The following SOX10 variants were observed in gnomAD, a reference collection of about 807,000 sequenced individuals.
SOX10 encodes SRY-box transcription factor 10.
A neutral mutation model predicts 35.0 loss-of-function variants in SOX10; 3 were observed. That is an observed-to-expected ratio of 0.09 (90% CI 0.04 to 0.22). The LOEUF is 0.22. Among genes scored for constraint, SOX10 ranks in the 10% least tolerant of loss-of-function variants. The pLI, the probability that SOX10 is intolerant of heterozygous loss-of-function variation, is 1.00. For synonymous variants in SOX10, 285 were observed against 291.0 expected (o/e 0.98, Z 0.21); for missense variants, 436 against 655.1 (o/e 0.67, Z 3.65).
Position 37,983,797 on chromosome 22 carries a change from C to T in SOX10, c.-13G>A. The T allele has an allele frequency of 7.3e-7, 1 of 1,378,980 alleles. No homozygotes were observed. Among genetic ancestry groups the T allele is most frequent in the Non-Finnish European group, 9.4e-7 (1 of 1,059,050 alleles). The allele number at this position is 1,378,980 out of a possible 1,614,324, so 85.4% of individuals were successfully genotyped here. A position where few individuals can be genotyped will look rare whatever the true frequency, so the allele number is the denominator to read the frequency against. ...GCTCCTCCGCCATGTCGCCCCCGGCCGCCGCCGCCGCCGCCTCGGCCGCCT... is the reference window on the plus strand; with the variant it reads ...GCTCCTCCGCCATGTCGCCCCCGGCTGCCGCCGCCGCCGCCTCGGCCGCCT... On this transcript the variant is annotated 5_prime_UTR_variant, in exon 2 of 4. Transcript: ENST00000396884. The surrounding 1 kb of genome is among the most constrained non-coding windows in gnomAD (Gnocchi z 9.5).
chr22:37,975,383 C>CT (rs1351182841), intron 3 of SOX10, among the ~76,000 whole-genome samples: 1 of 152,134 alleles, frequency 6.6e-6, no homozygotes, highest in East Asian at 1.9e-4. Flanking sequence ...GGAAGGATGT[C>CT]TGAGTGGGGT....
intron 3 of SOX10, among the ~76,000 whole-genome samples, chr22:37,975,778 C>A (rs1048207461): frequency 4.6e-5 from 7 of 152,122 alleles, no homozygotes; most frequent in African/African-American, 1.7e-4. Context: ...TTGTACCAAG[C>A]AGCCCAGGCA....
chr22:37,983,581 G>A lies in SOX10; in HGVS notation c.204C>T (p.Phe68=), dbSNP rs751332955. The A allele has an allele frequency of 2.5e-6, 4 of 1,610,158 alleles. No homozygotes were observed. Among genetic ancestry groups the A allele is most frequent in the South Asian group, 2.2e-5 (2 of 90,734 alleles). ...TGACGGCCTCGCGGATGCACACGGG[G>A]AACTTGTCATCGTCCGCCTCGCCGT... The part of the protein sequence containing the change: ...QQDGEADDDK[F]PVCIREAVSQ... Residue 68 remains phenylalanine (F), a synonymous_variant, in exon 2 of 4, where the codon TTC becomes TTT. Coordinates refer to ENST00000396884, the MANE Select transcript of SOX10 (RefSeq NM_006941.4). The surrounding 1 kb of genome is among the most constrained non-coding windows in gnomAD (Gnocchi z 9.5).
At chr22:37,982,087 A>G (rs1932417354) in intron 2 of SOX10, among the ~76,000 whole-genome samples, 1 of 152,300 alleles carries the variant, frequency 6.6e-6, no homozygotes, top group East Asian at 1.9e-4. Context: ...ACAAAGCCCT[A>G]ATTTTCTGGA....
chr22:37,978,148 G>A lies in SOX10; in HGVS notation c.429-13C>T. On this transcript the variant is annotated splice_polypyrimidine_tract_variant and intron_variant, in intron 2 of 3. Transcript: ENST00000396884. This position sits in a 1 kb window ranked among gnomAD's most constrained non-coding sequence, Gnocchi z 5.0. ...TTCGTTCAGCAGCCTGGGGTGTGGTGGGAGGCGGAGAGGACAGCAGAGGGG... is the reference window on the plus strand; with the variant it reads ...TTCGTTCAGCAGCCTGGGGTGTGGTAGGAGGCGGAGAGGACAGCAGAGGGG... 3 of 1,542,232 alleles carry A rather than the reference G, an allele frequency of 1.9e-6. No individual in the cohort carries two copies. The highest frequency in any genetic ancestry group is 1.7e-4 in the Middle Eastern group (1 of 5,810).
In SOX10 at chr22:37,978,024, G is replaced by A. The variant is rs746476689; in HGVS notation, c.540C>T (p.Asn180=). 39 of 1,611,318 alleles carry A rather than the reference G, an allele frequency of 2.4e-5. No individual in the cohort carries two copies. The highest frequency in any genetic ancestry group is 2.9e-5 in the Non-Finnish European group (34 of 1,179,532). ...CCGCCTCGCCCTGGGCGGCCTTCCCGTTCTTCCGCCGCCTGGGCTGGTACT... is the reference window on the plus strand; with the variant it reads ...CCGCCTCGCCCTGGGCGGCCTTCCCATTCTTCCGCCGCCTGGGCTGGTACT... The part of the protein sequence containing the change: ...DYKYQPRRRK[N]GKAAQGEAEC... The change falls in exon 3 of 4, where the codon AAC becomes AAT. Residue 180 remains asparagine, a synonymous_variant. Coordinates refer to ENST00000396884, the MANE Select transcript of SOX10 (RefSeq NM_006941.4). This position sits in a 1 kb window ranked among gnomAD's most constrained non-coding sequence, Gnocchi z 5.0.
Position 37,977,943 on chromosome 22 carries a change from G to A in SOX10, c.621C>T (p.Tyr207=). 3 of 1,612,838 alleles carry A rather than the reference G, an allele frequency of 1.9e-6. No individual in the cohort carries two copies. Among genetic ancestry groups the A allele is most frequent in the Non-Finnish European group, 2.5e-6 (3 of 1,179,940 alleles). ...QGGTAAIQAH[Y]KSAHLDHRHP... is the part of the protein sequence containing the mutation. ...GCCGGTGGTCCAAGTGGGCGCTCTT[G>A]TAGTGGGCCTGGATGGCGGCGGTCC... is the stretch of plus-strand genomic sequence containing the variant. Residue 207 remains tyrosine, a synonymous_variant, in exon 3 of 4, where the codon TAC becomes TAT. Coordinates refer to ENST00000396884, the MANE Select transcript of SOX10 (RefSeq NM_006941.4).
In SOX10 at chr22:37,973,393, C is replaced by T. The variant is rs2145760109; in HGVS notation, c.*102G>A. On this transcript the variant is annotated 3_prime_UTR_variant, in exon 4 of 4. Transcript: ENST00000396884. ...GACCTGTCAGCCTCTTCAGCCTCCT[C>T]AGCCTCCTCCACTGCCACCACCAGG... 2.5e-6 allele frequency: 2 copies of T among 796,904 alleles called. No individual in the cohort carries two copies. The highest frequency in any genetic ancestry group is 5.4e-5 in the East Asian group (2 of 37,134). 49.4% of individuals were successfully genotyped at this position (796,904 alleles called of 1,614,324 possible).
Position 37,983,594 on chromosome 22 carries a change from T to A in SOX10, c.191A>T (p.Asp64Val), listed in dbSNP as rs372400283. 6.2e-5 allele frequency: 99 copies of A among 1,608,940 alleles called. No individual in the cohort carries two copies. The highest frequency in any genetic ancestry group is 1.7e-4 in the Middle Eastern group (1 of 6,058). Residue 64 changes from aspartate (D) to valine (V), a missense_variant, in exon 2 of 4, where the codon GAC becomes GTC. Transcript: ENST00000396884. This position sits in a 1 kb window ranked among gnomAD's most constrained non-coding sequence, Gnocchi z 9.5. ...VKKEQQDGEA[D>V]DDKFPVCIRE... ...GATGCACACGGGGAACTTGTCATCG[T>A]CCGCCTCGCCGTCCTGCTGCTCCTT...
rs946978809 is a variant in SOX10, at chr22:37,983,261, G to A, written c.428+96C>T. ...CCTATCCAAGGAGGACTGCCAGACA[G>A]TCCCGCTCTGAGGTGCAGGAGGCCG... On this transcript the variant is annotated intron_variant, in intron 2 of 3. Transcript: ENST00000396884. This position sits in a 1 kb window ranked among gnomAD's most constrained non-coding sequence, Gnocchi z 9.5. 486 of 1,381,112 alleles carry A rather than the reference G, an allele frequency of 3.5e-4. 4 individuals carry two copies. Among genetic ancestry groups the A allele is most frequent in the Admixed American group, 5.9e-5 (3 of 50,794 alleles). 85.6% of individuals were successfully genotyped at this position (1,381,112 alleles called of 1,614,324 possible).
intron 3 of SOX10, among the ~76,000 whole-genome samples, chr22:37,975,952 G>T (rs745513181): frequency 5.9e-5 from 9 of 152,028 alleles, no homozygotes; most frequent in African/African-American, 2.2e-4. Context: ...TATAGTAAGA[G>T]ATAGGAGGCT....
chr22:37,983,827 C>CCG lies in SOX10; in HGVS notation c.-44_-43insCG. 4 of 1,363,142 alleles carry CCG rather than the reference C, an allele frequency of 2.9e-6. No homozygotes were observed. Among genetic ancestry groups the CCG allele is most frequent in the Non-Finnish European group, 3.8e-6 (4 of 1,058,122 alleles). 84.4% of individuals were successfully genotyped at this position (1,363,142 alleles called of 1,614,324 possible). A position where few individuals can be genotyped will look rare whatever the true frequency, so the allele number is the denominator to read the frequency against. Reference sequence around the variant, plus strand: ...CCGCCGCCGCCTCGGCCGCCTCCCCCGGGCCAGCCGCCGGGGTCCTCGCAA... The same window carrying CCG: ...CCGCCGCCGCCTCGGCCGCCTCCCCCCGGGGCCAGCCGCCGGGGTCCTCGCAA... On this transcript the variant is annotated 5_prime_UTR_variant, in exon 2 of 4. Transcript: ENST00000396884. This position sits in a 1 kb window ranked among gnomAD's most constrained non-coding sequence, Gnocchi z 9.5.
rs772518921 is a variant in SOX10 at position 37,973,660 on chromosome 22, A to G, written c.1236T>C (p.Tyr412=). 4.3e-6 allele frequency: 7 copies of G among 1,613,760 alleles called. No homozygotes were observed. The highest frequency in any genetic ancestry group is 1.7e-4 in the Middle Eastern group (1 of 6,056). Residue 412 remains tyrosine (Y), a synonymous_variant, in exon 4 of 4, where the codon TAT becomes TAC. Coordinates refer to ENST00000396884, the MANE Select transcript of SOX10 (RefSeq NM_006941.4). ...GGCCAGAGGCCTGGCCCGAGTGGCCATAATAGGGTCCTGAGGGCTGATGGT... is the reference window on the plus strand; with the variant it reads ...GGCCAGAGGCCTGGCCCGAGTGGCCGTAATAGGGTCCTGAGGGCTGATGGT... The part of the protein sequence containing the change: ...YSDHQPSGPY[Y]GHSGQASGLY...
chr22:37,980,878 A>AG lies in SOX10; in HGVS notation c.428+2478dup, dbSNP rs1265893100. On this transcript the variant is annotated intron_variant, in intron 2 of 3. Transcript: ENST00000396884. The surrounding 1 kb of genome is among the most constrained non-coding windows in gnomAD (Gnocchi z 4.1). ...GGGGCATAAGAAGACTACTTGGGGA[A>AG]GGGGCCTGTGGCACTGGGAACAGAG... is the stretch of plus-strand genomic sequence containing the variant. Among the ~76,000 whole-genome samples, 5 of 152,210 alleles carry AG rather than the reference A, an allele frequency of 3.3e-5. No homozygotes were observed. Among genetic ancestry groups the AG allele is most frequent in the African/African-American group, 1.2e-4 (5 of 41,456 alleles).
rs992292424 is a variant in SOX10 at position 37,978,368 on chromosome 22, G to C, written c.429-233C>G. 6.6e-6 allele frequency among the ~76,000 whole-genome samples: 1 copy of C among 152,264 alleles called. No individual in the cohort carries two copies. The highest frequency in any genetic ancestry group is 2.4e-5 in the African/African-American group (1 of 41,470). ...CTGCCCCCAAATCTTTCATGGGCTG[G>C]AGGGTGAGAGAGGGGTCAGCCCGCT... On this transcript the variant is annotated intron_variant, in intron 2 of 3. Coordinates refer to ENST00000396884, the MANE Select transcript of SOX10 (RefSeq NM_006941.4). This position sits in a 1 kb window ranked among gnomAD's most constrained non-coding sequence, Gnocchi z 5.0.
chr22:37,980,055 C>T lies in SOX10; in HGVS notation c.429-1920G>A, dbSNP rs531675403. On this transcript the variant is annotated intron_variant, in intron 2 of 3. Transcript: ENST00000396884. The surrounding 1 kb of genome is among the most constrained non-coding windows in gnomAD (Gnocchi z 4.1). ...TAGCCTCCCTGTCTACTCCCCCCACCCCGGCCCTGAGCCCAGCCCTAGCCC... is the reference window on the plus strand; with the variant it reads ...TAGCCTCCCTGTCTACTCCCCCCACTCCGGCCCTGAGCCCAGCCCTAGCCC... Among the ~76,000 whole-genome samples, 1 of 152,192 alleles carries T rather than the reference C, an allele frequency of 6.6e-6. No homozygotes were observed. Among genetic ancestry groups the T allele is most frequent in the African/African-American group, 2.4e-5 (1 of 41,436 alleles).
At chr22:37,977,820 C>T (rs2145767848) in intron 3 of SOX10, 47 bp downstream of exon 3, 1 of 1,577,948 alleles carries the variant, frequency 6.3e-7, no homozygotes, top group Middle Eastern at 2.1e-4. Flanking sequence ...TCTCCTGTCT[C>T]CACTGACTGG....
At position 37,983,026 on chromosome 22, in the gene SOX10, C is replaced by A. The variant is rs1932448806; in HGVS notation, c.428+331G>T. On this transcript the variant is annotated intron_variant, in intron 2 of 3. Coordinates refer to ENST00000396884, the MANE Select transcript of SOX10 (RefSeq NM_006941.4). This position sits in a 1 kb window ranked among gnomAD's most constrained non-coding sequence, Gnocchi z 9.5. ...CCACAGCAGCTGGTGGCATAGTGTG[C>A]GTATCTGTGGGCAGGAGTTAGTGAA... Among the ~76,000 whole-genome samples, 1 of 152,228 alleles carries A rather than the reference C, an allele frequency of 6.6e-6. No individual in the cohort carries two copies. Among genetic ancestry groups the A allele is most frequent in the Non-Finnish European group, 1.5e-5 (1 of 68,042 alleles).
rs1932371279 is a variant in SOX10 at position 37,980,693 on chromosome 22, C to T, written c.429-2558G>A. On this transcript the variant is annotated intron_variant, in intron 2 of 3. Transcript: ENST00000396884. The surrounding 1 kb of genome is among the most constrained non-coding windows in gnomAD (Gnocchi z 4.1). ...TCCAGCTCTAACTCCAAACCCAGTC[C>T]TCATCTGCACCTTCCTGTCAGCCCT... is the stretch of plus-strand genomic sequence containing the variant. Among the ~76,000 whole-genome samples the T allele has an allele frequency of 6.6e-6, 1 of 152,240 alleles. No homozygotes were observed. The highest frequency in any genetic ancestry group is 2.4e-5 in the African/African-American group (1 of 41,466).
Sources: allele counts gnomAD v4.1 joint callset (sites outside exome capture counted in the v4.1 genomes callset), GRCh38; gene constraint gnomAD v4.1.1; non-coding constraint Gnocchi (gnomAD v3.1); transcripts MANE v1.5; gene names NCBI Gene and HGNC (gene_info 2026-07-23, HGNC 2026-07-21).